The following SZRD1 variants were observed in gnomAD, a reference collection of about 807,000 sequenced individuals.
SZRD1 encodes the protein SUZ RNA binding domain containing 1, also known as SUZ RNA-binding domain-containing.
In SZRD1, 7 loss-of-function variants were observed where a neutral mutation model predicts 17.6. The observed-to-expected ratio is 0.40, with a 90% CI of 0.23 to 0.75. The LOEUF (loss-of-function observed/expected upper bound fraction) is 0.75, where lower values mean the gene tolerates loss of function less well. Among genes scored for constraint, SZRD1 ranks in the 30% least tolerant of loss-of-function variants. SZRD1 has a pLI of 0.38. For missense variants in SZRD1, 178 were observed against 201.8 expected, an observed-to-expected ratio of 0.88 and a Z score of 0.71; for synonymous variants, 77 against 77.9, an observed-to-expected ratio of 0.99 and a Z score of 0.06.
Position 16,395,201 on chromosome 1 carries a change from G to A in SZRD1, c.*61G>A, listed in dbSNP as rs749615766. 5.3e-5 allele frequency: 63 copies of A among 1,189,402 alleles called. No homozygotes were observed. The highest frequency in any genetic ancestry group is 4.5e-4 in the South Asian group (37 of 81,758). 73.7% of individuals were successfully genotyped at this position (1,189,402 alleles called of 1,614,324 possible). ...CACCGCCTCCTGGGTCGTCCGCCAC[G>A]GGTTGCACTGCCGTGGCAGACAGCT... On this transcript the variant is annotated 3_prime_UTR_variant, in exon 4 of 4. Transcript: ENST00000401088.
At chr1:16,371,766 C>T (rs1028243571) in intron 1 of SZRD1, among the ~76,000 whole-genome samples, 16 of 151,780 alleles carry the variant, frequency 1.1e-4, no homozygotes, top group Non-Finnish European at 1.8e-4. Flanking sequence ...TGGCCCCTTT[C>T]TTAAGACAGA....
rs1009970226 is a variant in SZRD1, at chr1:16,367,247, C to T, written c.-11C>T. 1 of 1,547,778 alleles carries T rather than the reference C, an allele frequency of 6.5e-7. No homozygotes were observed. The highest frequency in any genetic ancestry group is 8.7e-7 in the Non-Finnish European group (1 of 1,146,000). On this transcript the variant is annotated 5_prime_UTR_variant, in exon 1 of 4. Coordinates refer to ENST00000401088, the MANE Select transcript of SZRD1 (RefSeq NM_001114600.3). Reference sequence around the variant, plus strand: ...GGAGGGGGTGGGGGAGGAGGGAAAGCGGCGAGTAAGATGGAAGATGAGGAG... The same window carrying T: ...GGAGGGGGTGGGGGAGGAGGGAAAGTGGCGAGTAAGATGGAAGATGAGGAG...
chr1:16,385,045 G>C (rs1322823416), intron 1 of SZRD1, among the ~76,000 whole-genome samples: 1 of 152,162 alleles, frequency 6.6e-6, no homozygotes, highest in Non-Finnish European at 1.5e-5. Context: ...TTACTTAAAT[G>C]GTAACCTTGT....
chr1:16,373,231 GT>G (rs35547196), intron 1 of SZRD1, among the ~76,000 whole-genome samples: 96,497 of 143,618 alleles, frequency 0.67, 32,429 homozygotes, highest in East Asian at 0.85. Context: ...GAGCTTTGAA[GT>G]TTTTTTTTTT....
At chr1:16,389,681 G>A (rs1161792588) in intron 1 of SZRD1, among the ~76,000 whole-genome samples, 1 of 152,134 alleles carries the variant, frequency 6.6e-6, no homozygotes, top group African/African-American at 2.4e-5. Flanking sequence ...TCCTGCCCTC[G>A]TGATCCGCCC....
At chr1:16,369,909 A>AC (rs2082884446) in intron 1 of SZRD1, among the ~76,000 whole-genome samples, 3 of 151,894 alleles carry the variant, frequency 2.0e-5, no homozygotes, top group Admixed American at 1.3e-4. Context: ...CAAAAAAAAA[A>AC]AACTACAGAG....
At chr1:16,372,481 A>AG (rs2082931120) in intron 1 of SZRD1, among the ~76,000 whole-genome samples, 1 of 152,202 alleles carries the variant, frequency 6.6e-6, no homozygotes, top group East Asian at 1.9e-4. Flanking sequence ...TCAAAAAAAA[A>AG]GAGTTCATAG....
At chr1:16,367,531 T>C (rs1255898116) in intron 1 of SZRD1, among the ~76,000 whole-genome samples, 1 of 152,206 alleles carries the variant, frequency 6.6e-6, no homozygotes, top group Non-Finnish European at 1.5e-5. Context: ...CTCCGCCCAC[T>C]AACGCGCGCG....
rs1453473301 is a variant in SZRD1 at position 16,395,940 on chromosome 1, G to C, written c.*800G>C. On this transcript the variant is annotated 3_prime_UTR_variant, in exon 4 of 4. Transcript: ENST00000401088. The stretch of plus-strand genomic sequence containing the variant: ...ACTGGGCTAGCTCTGTAGGCTCGGA[G>C]AGCCTGGGGAGGGTGCCAACCCCAC... The C allele has an allele frequency of 6.5e-6, 1 of 152,696 alleles. No homozygotes were observed. The highest frequency in any genetic ancestry group is 2.4e-5 in the African/African-American group (1 of 41,452). The allele number at this position is 152,696 out of a possible 1,614,324, so 9.5% of individuals were successfully genotyped here. A position where few individuals can be genotyped will look rare whatever the true frequency, so the allele number is the denominator to read the frequency against.
chr1:16,372,070 T>C (rs1569995059), intron 1 of SZRD1, among the ~76,000 whole-genome samples: 1 of 152,332 alleles, frequency 6.6e-6, no homozygotes, highest in East Asian at 1.9e-4. Context: ...TCACATATTC[T>C]GTGAATAGAC....
At chr1:16,375,026 C>T (rs181388425) in intron 1 of SZRD1, among the ~76,000 whole-genome samples, 3 of 151,418 alleles carry the variant, frequency 2.0e-5, no homozygotes, top group East Asian at 2.0e-4. Flanking sequence ...TACAGGTGCT[C>T]GCCACTACAC....
chr1:16,374,257 T>C (rs976968602), intron 1 of SZRD1, among the ~76,000 whole-genome samples: 5 of 152,208 alleles, frequency 3.3e-5, no homozygotes, highest in African/African-American at 1.2e-4. Flanking sequence ...GGTTGAGCCT[T>C]ATGGACTGTG....
At chr1:16,373,318 G>A (rs182862839) in intron 1 of SZRD1, among the ~76,000 whole-genome samples, 2 of 151,078 alleles carry the variant, frequency 1.3e-5, no homozygotes, top group Non-Finnish European at 2.9e-5. Context: ...GATGGCTCAT[G>A]CCTGTAATGC....
intron 1 of SZRD1, chr1:16,387,787 C>T (rs1400688644): frequency 2.3e-6 from 1 of 440,246 alleles, no homozygotes; most frequent in Non-Finnish European, 4.6e-6. Flanking sequence ...GTGAGAAGCC[C>T]TTAAAAGGTA....
At chr1:16,382,888 C>T (rs1413012854) in intron 1 of SZRD1, among the ~76,000 whole-genome samples, 14 of 148,514 alleles carry the variant, frequency 9.4e-5, no homozygotes, top group Middle Eastern at 3.6e-3. Context: ...TTTTTTGAGA[C>T]GGAGTCTCAC....
chr1:16,379,849 C>T (rs1459623812), intron 1 of SZRD1, among the ~76,000 whole-genome samples: 1 of 150,974 alleles, frequency 6.6e-6, no homozygotes, highest in Non-Finnish European at 1.5e-5. Context: ...CAACCTTTGC[C>T]TCTCGGGTTC....
chr1:16,380,211 G>A (rs954762240), intron 1 of SZRD1, among the ~76,000 whole-genome samples: 25 of 152,104 alleles, frequency 1.6e-4, no homozygotes, highest in Non-Finnish European at 2.8e-4. Context: ...AAGGTGGTGC[G>A]CGGCTGTATT....
At chr1:16,383,040 ATTT>A (rs1196878178) in intron 1 of SZRD1, among the ~76,000 whole-genome samples, 1 of 151,464 alleles carries the variant, frequency 6.6e-6, no homozygotes, top group South Asian at 2.1e-4. Flanking sequence ...TAATTTTTGT[ATTT>A]TTAGAAGGGA....
intron 1 of SZRD1, among the ~76,000 whole-genome samples, chr1:16,372,965 A>G (rs965965779): frequency 6.6e-6 from 1 of 152,174 alleles, no homozygotes; most frequent in African/African-American, 2.4e-5. Flanking sequence ...AAGATTTGAA[A>G]GATCAGTTGA....
Sources: allele counts gnomAD v4.1 joint callset (sites outside exome capture counted in the v4.1 genomes callset), GRCh38; gene constraint gnomAD v4.1.1; transcripts MANE v1.5; gene names NCBI Gene and HGNC (gene_info 2026-07-23, HGNC 2026-07-21).